Variants in CPEB3 observed in about 807,000 individuals in gnomAD.
CPEB3 encodes cytoplasmic polyadenylation element-binding protein 3.
In CPEB3, 20 loss-of-function variants were observed where a neutral mutation model predicts 67.2. The ratio of observed to expected loss-of-function variants is 0.30; its 90% confidence interval spans 0.21 to 0.43. CPEB3 has a LOEUF of 0.43. Ranked by LOEUF, CPEB3 falls within the 20% of genes least tolerant of loss-of-function variation. The probability of loss-of-function intolerance (pLI) is 1.00; values close to 1 mark genes in which losing one functional copy is unlikely to be tolerated. For synonymous variants in CPEB3, 376 were observed against 393.1 expected (o/e 0.96, Z 0.51); for missense variants, 746 against 968.6 (o/e 0.77, Z 3.05).
chr10:92,055,612 T>G (rs1267044832), intron 9 of CPEB3, among the ~76,000 whole-genome samples: 1 of 152,186 alleles, frequency 6.6e-6, no homozygotes, highest in Non-Finnish European at 1.5e-5. Flanking sequence ...TGCTATCATA[T>G]CTAAAACACC....
chr10:92,267,671 T>C (rs956168627), intron 1 of CPEB3, among the ~76,000 whole-genome samples: 1 of 151,988 alleles, frequency 6.6e-6, no homozygotes, highest in Non-Finnish European at 1.5e-5. Flanking sequence ...TAAGGATGAG[T>C]GTGATGATGG....
chr10:92,162,979 ATTT>A (rs1847567023), intron 4 of CPEB3, among the ~76,000 whole-genome samples: 4 of 152,160 alleles, frequency 2.6e-5, no homozygotes, highest in Admixed American at 2.6e-4. Context: ...ACCATAGTAT[ATTT>A]GTAAAAACTG....
intron 6 of CPEB3, among the ~76,000 whole-genome samples, chr10:92,134,327 T>C (rs533993772): frequency 4.3e-4 from 65 of 152,186 alleles, no homozygotes; most frequent in Middle Eastern, 6.8e-3. Flanking sequence ...AGTCTCAGGA[T>C]ACAAAATCAA....
chr10:92,209,116 G>T (rs983684880), intron 2 of CPEB3, among the ~76,000 whole-genome samples: 1 of 152,134 alleles, frequency 6.6e-6, no homozygotes, highest in African/African-American at 2.4e-5. Context: ...AAACAGCCCT[G>T]AGCATACTTG....
chr10:92,263,234 C>G (rs531658666), intron 1 of CPEB3, among the ~76,000 whole-genome samples: 1 of 152,270 alleles, frequency 6.6e-6, no homozygotes, highest in Non-Finnish European at 1.5e-5. Context: ...CACCACCACA[C>G]CTGGCAAATT....
At chr10:92,092,950 T>A (rs543343642) in intron 7 of CPEB3, among the ~76,000 whole-genome samples, 1 of 152,362 alleles carries the variant, frequency 6.6e-6, no homozygotes. Context: ...GGACTCTGAC[T>A]TAGTGCCCAT....
chr10:92,092,090 G>A (rs1367571428), intron 7 of CPEB3, 146 bp from the exon 8 acceptor site: 11 of 642,876 alleles, frequency 1.7e-5, no homozygotes, highest in Non-Finnish European at 5.6e-6. Flanking sequence ...AACGTAATCT[G>A]CATTAAGTAC....
chr10:92,203,542 G>C (rs1849638362), intron 2 of CPEB3, among the ~76,000 whole-genome samples: 1 of 145,908 alleles, frequency 6.9e-6, no homozygotes, highest in Admixed American at 6.9e-5. Flanking sequence ...TTTTTTTAGA[G>C]GTGTAGCTGG....
intron 8 of CPEB3, among the ~76,000 whole-genome samples, chr10:92,090,728 A>T (rs1350531417): frequency 3.9e-5 from 6 of 152,130 alleles, no homozygotes; most frequent in South Asian, 2.1e-4. Flanking sequence ...CATTTTTTTT[A>T]AAGCACAGTT....
intron 6 of CPEB3, among the ~76,000 whole-genome samples, chr10:92,139,539 A>C (rs1431264558): frequency 9.0e-6 from 1 of 110,722 alleles, no homozygotes; most frequent in East Asian, 2.9e-4. Flanking sequence ...GCTGGAAAGA[A>C]GGTGGGGGTG....
chr10:92,280,343 C>CAAAAAAA (rs60338900), intron 1 of CPEB3, among the ~76,000 whole-genome samples: 10 of 37,798 alleles, frequency 2.6e-4, no homozygotes, highest in South Asian at 1.5e-3. Flanking sequence ...AACTCCATCT[C>CAAAAAAA]AAAAAAAAAA....
intron 1 of CPEB3, among the ~76,000 whole-genome samples, chr10:92,275,921 T>C (rs1841960999): frequency 6.7e-6 from 1 of 148,866 alleles, no homozygotes; most frequent in Non-Finnish European, 1.5e-5. Flanking sequence ...CGATCTTGGC[T>C]CACTGCAAGC....
chr10:92,090,881 C>T (rs954321584), intron 8 of CPEB3, among the ~76,000 whole-genome samples: 1 of 152,066 alleles, frequency 6.6e-6, no homozygotes, highest in Non-Finnish European at 1.5e-5. Flanking sequence ...GTTTTCCATT[C>T]GAATGAAGAA....
chr10:92,245,806 G>T (rs1376437370), intron 1 of CPEB3, among the ~76,000 whole-genome samples: 7 of 152,224 alleles, frequency 4.6e-5, no homozygotes, highest in African/African-American at 1.7e-4. Context: ...GGAGGCCGAG[G>T]CGGCTGGATC....
chr10:92,283,518 AC>A (rs1170847637), intron 1 of CPEB3, among the ~76,000 whole-genome samples: 1 of 152,154 alleles, frequency 6.6e-6, no homozygotes, highest in East Asian at 1.9e-4. Context: ...TAAGACTCAA[AC>A]CTATGTTATC....
intron 6 of CPEB3, among the ~76,000 whole-genome samples, chr10:92,130,193 T>TG (rs1845781253): frequency 1.3e-5 from 2 of 151,890 alleles, no homozygotes; most frequent in African/African-American, 2.4e-5. Context: ...TTTTCAGGTC[T>TG]GCTTAAATGC....
chr10:92,270,513 G>C (rs1853258518), intron 1 of CPEB3, among the ~76,000 whole-genome samples: 1 of 151,362 alleles, frequency 6.6e-6, no homozygotes, highest in African/African-American at 2.4e-5. Context: ...AAGCTAGTAG[G>C]TAAGCAAGGG....
intron 9 of CPEB3, among the ~76,000 whole-genome samples, chr10:92,078,114 T>C (rs1241418223): frequency 1.3e-5 from 2 of 152,126 alleles, no homozygotes; most frequent in African/African-American, 2.4e-5. Context: ...ACCAATCTCA[T>C]GGGATGCCCA....
At chr10:92,086,890 T>G (rs575186114) in intron 8 of CPEB3, among the ~76,000 whole-genome samples, 2 of 152,308 alleles carry the variant, frequency 1.3e-5, no homozygotes, top group South Asian at 4.1e-4. Flanking sequence ...ATACTAACAT[T>G]AGGAAAACCC....
Sources: allele counts gnomAD v4.1 joint callset (sites outside exome capture counted in the v4.1 genomes callset), GRCh38; gene constraint gnomAD v4.1.1; transcripts MANE v1.5; gene names NCBI Gene and HGNC (gene_info 2026-07-23, HGNC 2026-07-21).